PPP2R5E: variants seen among roughly 807,000 people sequenced by gnomAD.
PPP2R5E encodes the protein serine/threonine-protein phosphatase 2A 56 kDa regulatory subunit epsilon isoform.
In PPP2R5E, 4 loss-of-function variants were observed where a neutral mutation model predicts 65.3. The observed-to-expected ratio is 0.06, with a 90% CI of 0.03 to 0.14. The LOEUF is 0.14. PPP2R5E is among the 10% of genes least tolerant of loss of function. The pLI is 1.00. For missense variants in PPP2R5E, 274 were observed against 556.1 expected (o/e 0.49, Z 5.10); for synonymous variants, 183 against 187.4 (o/e 0.98, Z 0.19).
chr14:63,437,806 C>G (rs529460814), intron 3 of PPP2R5E, among the ~76,000 whole-genome samples: 33 of 152,120 alleles, frequency 2.2e-4, no homozygotes, highest in African/African-American at 7.7e-4. Flanking sequence ...TCCATTTTGT[C>G]AAAAAAATAC....
intron 3 of PPP2R5E, among the ~76,000 whole-genome samples, chr14:63,422,729 TAAAAAAAAAAAAAAAAA>T (rs567590182): frequency 3.4e-5 from 3 of 88,196 alleles, no homozygotes; most frequent in African/African-American, 4.0e-5. Context: ...TCCGTCTATT[TAAAAAAAAAAAAAAAAA>T]AAAAAAAAAA....
At chr14:63,506,173 G>A (rs749458952) in intron 2 of PPP2R5E, among the ~76,000 whole-genome samples, 3 of 152,110 alleles carry the variant, frequency 2.0e-5, no homozygotes, top group Non-Finnish European at 2.9e-5. Flanking sequence ...AAGATTGGCC[G>A]GGCGCAGTGG....
At chr14:63,506,139 A>C (rs1160808800) in intron 2 of PPP2R5E, among the ~76,000 whole-genome samples, 1 of 152,162 alleles carries the variant, frequency 6.6e-6, no homozygotes, top group East Asian at 1.9e-4. Flanking sequence ...GAATATAAAA[A>C]GAATTCTTCA....
chr14:63,533,279 C>T (rs148229995), intron 2 of PPP2R5E, among the ~76,000 whole-genome samples: 4 of 148,702 alleles, frequency 2.7e-5, no homozygotes, highest in African/African-American at 7.3e-5. Flanking sequence ...GGCACGAAAA[C>T]GGCCGGGCAC....
chr14:63,474,924 G>T (rs1418351102), intron 2 of PPP2R5E, among the ~76,000 whole-genome samples: 1 of 152,166 alleles, frequency 6.6e-6, no homozygotes, highest in Non-Finnish European at 1.5e-5. Flanking sequence ...CTAAGAGAAT[G>T]AGAAGAAACA....
intron 2 of PPP2R5E, among the ~76,000 whole-genome samples, chr14:63,501,943 G>A (rs542323345): frequency 6.6e-6 from 1 of 152,216 alleles, no homozygotes; most frequent in South Asian, 2.1e-4. Flanking sequence ...CAGCCTGGCT[G>A]GAGTGCAGTG....
At chr14:63,488,518 A>C (rs1383996500) in intron 2 of PPP2R5E, among the ~76,000 whole-genome samples, 2 of 152,112 alleles carry the variant, frequency 1.3e-5, no homozygotes, top group Non-Finnish European at 2.9e-5. Flanking sequence ...AATGATTTTA[A>C]GAGAATCCCC....
chr14:63,465,450 C>CAAAAAAAAAAAAAAA (rs1171345415), intron 2 of PPP2R5E, among the ~76,000 whole-genome samples: 10 of 47,376 alleles, frequency 2.1e-4, no homozygotes, highest in African/African-American at 7.0e-4. Context: ...TCCACCTCTA[C>CAAAAAAAAAAAAAAA]AAAAAAAAAA....
intron 2 of PPP2R5E, among the ~76,000 whole-genome samples, chr14:63,494,152 A>T (rs1288965566): frequency 6.6e-6 from 1 of 152,158 alleles, no homozygotes; most frequent in Non-Finnish European, 1.5e-5. Context: ...GTAAAATAAA[A>T]ATGCTCCAGA....
intron 3 of PPP2R5E, among the ~76,000 whole-genome samples, chr14:63,425,788 C>A (rs1009676647): frequency 1.3e-5 from 2 of 152,220 alleles, no homozygotes; most frequent in African/African-American, 2.4e-5. Flanking sequence ...CAAACTTCAA[C>A]ATTTTCTTGG....
chr14:63,464,796 G>A (rs1335108219), intron 2 of PPP2R5E, among the ~76,000 whole-genome samples: 1 of 152,100 alleles, frequency 6.6e-6, no homozygotes, highest in African/African-American at 2.4e-5. Context: ...GCCGAGGTGA[G>A]CGGATTACCT....
chr14:63,482,640 C>T (rs1001585784), intron 2 of PPP2R5E, among the ~76,000 whole-genome samples: 5 of 152,048 alleles, frequency 3.3e-5, no homozygotes, highest in South Asian at 2.1e-4. Context: ...TGGCTGACTC[C>T]GACATCTGAA....
chr14:63,528,935 A>C, intron 2 of PPP2R5E, among the ~76,000 whole-genome samples: 1 of 152,212 alleles, frequency 6.6e-6, no homozygotes, highest in Non-Finnish European at 1.5e-5. Context: ...GGGAGGGGAG[A>C]TATATCAGAC....
chr14:63,480,609 C>T (rs372658780), intron 2 of PPP2R5E, among the ~76,000 whole-genome samples: 11 of 152,252 alleles, frequency 7.2e-5, no homozygotes, highest in African/African-American at 2.6e-4. Context: ...CCATGCCCTG[C>T]TATTTTTTCA....
chr14:63,497,990 T>C (rs373581098), intron 2 of PPP2R5E, among the ~76,000 whole-genome samples: 21 of 152,224 alleles, frequency 1.4e-4, no homozygotes, highest in East Asian at 1.3e-3. Context: ...GAATAATACA[T>C]TTGGTATGTG....
intron 2 of PPP2R5E, among the ~76,000 whole-genome samples, chr14:63,468,885 T>C (rs1237367825): frequency 1.3e-5 from 2 of 152,148 alleles, no homozygotes; most frequent in Non-Finnish European, 2.9e-5. Context: ...ACTAAACCAC[T>C]TCAAAGTATC....
At chr14:63,394,004 A>C (rs570042007) in intron 7 of PPP2R5E, 76 bp from the exon 8 acceptor site, 1 of 824,798 alleles carries the variant, frequency 1.2e-6, no homozygotes, top group African/African-American at 1.7e-5. Context: ...TGTGATATTA[A>C]TTAAACTTAA....
At chr14:63,378,382 G>A (rs777351775) in intron 13 of PPP2R5E, among the ~76,000 whole-genome samples, 49 of 152,300 alleles carry the variant, frequency 3.2e-4, no homozygotes, top group Middle Eastern at 6.8e-3. Flanking sequence ...CAGTGGGATA[G>A]AAATAACTCC....
At chr14:63,400,028 G>A (rs755242323) in intron 5 of PPP2R5E, among the ~76,000 whole-genome samples, 8 of 152,112 alleles carry the variant, frequency 5.3e-5, no homozygotes, top group Non-Finnish European at 8.8e-5. Context: ...GGCAGGAAAC[G>A]CAAACTAAAG....
Sources: gnomAD v4.1 joint callset for allele counts (sites outside exome capture counted in the v4.1 genomes callset) on GRCh38, gnomAD v4.1.1 for gene constraint, MANE v1.5 for transcripts, NCBI Gene and HGNC (gene_info 2026-07-23, HGNC 2026-07-21) for gene names.